ZRANB3: variants seen among roughly 807,000 people sequenced by gnomAD.
ZRANB3 encodes the protein DNA annealing helicase and endonuclease ZRANB3.
In ZRANB3, 125 loss-of-function variants were observed where a neutral mutation model predicts 133.8. The observed-to-expected ratio is 0.93, with a 90% CI of 0.81 to 1.08. The LOEUF (loss-of-function observed/expected upper bound fraction) is 1.08, where lower values mean the gene tolerates loss of function less well. Ranked by LOEUF, ZRANB3 falls within the 50% of genes least tolerant of loss-of-function variation. ZRANB3 has a pLI of 0.00. For synonymous variants in ZRANB3, 387 were observed against 432.7 expected, an observed-to-expected ratio of 0.89 and a Z score of 1.31; for missense variants, 1,229 against 1,275.5, an observed-to-expected ratio of 0.96 and a Z score of 0.56.
At chr2:135,525,455 A>T (rs1166414789) in intron 1 of ZRANB3, among the ~76,000 whole-genome samples, 1 of 152,232 alleles carries the variant, frequency 6.6e-6, no homozygotes, top group African/African-American at 2.4e-5. Context: ...TTCAAGGGAT[A>T]ATCAGGGAAG....
chr2:135,393,634 A>C (rs1316178359), intron 2 of ZRANB3, among the ~76,000 whole-genome samples: 1 of 152,186 alleles, frequency 6.6e-6, no homozygotes, highest in Non-Finnish European at 1.5e-5. Flanking sequence ...TGAAAAGGGA[A>C]ACCAAGTTTC....
intron 2 of ZRANB3, among the ~76,000 whole-genome samples, chr2:135,419,732 A>G (rs1374907594): frequency 6.6e-6 from 1 of 151,014 alleles, no homozygotes; most frequent in Non-Finnish European, 1.5e-5. Flanking sequence ...AAAAAAAATT[A>G]TACTGCTCCT....
At chr2:135,402,669 C>T (rs926302894) in intron 2 of ZRANB3, among the ~76,000 whole-genome samples, 2 of 151,938 alleles carry the variant, frequency 1.3e-5, no homozygotes, top group Admixed American at 6.6e-5. Context: ...TCACTGCAAC[C>T]TCCACCTCCT....
At chr2:135,207,190 A>T (rs1048664267) in intron 19 of ZRANB3, among the ~76,000 whole-genome samples, 68 of 149,338 alleles carry the variant, frequency 4.6e-4, no homozygotes, top group Admixed American at 5.3e-4. Context: ...AAATAAATAA[A>T]TAATAAATAA....
chr2:135,225,022 T>C (rs962684096), intron 14 of ZRANB3, among the ~76,000 whole-genome samples: 20 of 152,204 alleles, frequency 1.3e-4, no homozygotes, highest in African/African-American at 1.9e-4. Flanking sequence ...AATCTCTTCT[T>C]TTTTAGCCCT....
intron 12 of ZRANB3, among the ~76,000 whole-genome samples, chr2:135,255,319 A>C (rs1005555535): frequency 6.6e-6 from 1 of 152,162 alleles, no homozygotes; most frequent in African/African-American, 2.4e-5. Flanking sequence ...ATGGCAATCA[A>C]AAGGGGCCCA....
chr2:135,490,802 A>G (rs903471007), intron 2 of ZRANB3, among the ~76,000 whole-genome samples: 1 of 152,250 alleles, frequency 6.6e-6, no homozygotes, highest in African/African-American at 2.4e-5. Context: ...AATATTATTC[A>G]GCCATAAACA....
intron 1 of ZRANB3, among the ~76,000 whole-genome samples, chr2:135,513,538 T>C (rs1320808374): frequency 6.6e-6 from 1 of 152,122 alleles, no homozygotes; most frequent in Non-Finnish European, 1.5e-5. Context: ...CCCCACCTCA[T>C]GCTGCATATG....
At chr2:135,211,412 G>A (rs187283920) in intron 17 of ZRANB3, among the ~76,000 whole-genome samples, 1 of 152,192 alleles carries the variant, frequency 6.6e-6, no homozygotes, top group East Asian at 1.9e-4. Context: ...GTGGTGGTGC[G>A]CACCTGCAGT....
At chr2:135,275,469 A>C (rs1680762130) in intron 9 of ZRANB3, among the ~76,000 whole-genome samples, 167 bp downstream of exon 9, 1 of 152,190 alleles carries the variant, frequency 6.6e-6, no homozygotes. Context: ...ATAGTATATA[A>C]TCATCATCAT....
intron 3 of ZRANB3, among the ~76,000 whole-genome samples, chr2:135,385,580 T>G (rs1489103848): frequency 1.3e-5 from 2 of 152,294 alleles, no homozygotes; most frequent in South Asian, 4.1e-4. Flanking sequence ...CTACCTGGCT[T>G]CAAACTATAC....
At chr2:135,472,491 C>A (rs113956752) in intron 2 of ZRANB3, among the ~76,000 whole-genome samples, 1 of 133,494 alleles carries the variant, frequency 7.5e-6, no homozygotes, top group African/African-American at 2.7e-5. Context: ...CAGCGAGACT[C>A]GGTCTCAAAA....
At chr2:135,236,637 T>A (rs1020777776) in intron 12 of ZRANB3, among the ~76,000 whole-genome samples, 89 of 152,256 alleles carry the variant, frequency 5.8e-4, no homozygotes, top group Non-Finnish European at 7.8e-4. Flanking sequence ...TAATGCCGCA[T>A]ATCTACAACT....
chr2:135,449,912 C>T (rs1690189579), intron 2 of ZRANB3, among the ~76,000 whole-genome samples: 1 of 152,090 alleles, frequency 6.6e-6, no homozygotes, highest in South Asian at 2.1e-4. Flanking sequence ...CAAAGACAAC[C>T]ATATATGACT....
chr2:135,267,975 A>G (rs2105115446), intron 11 of ZRANB3, among the ~76,000 whole-genome samples: 1 of 152,232 alleles, frequency 6.6e-6, no homozygotes, highest in African/African-American at 2.4e-5. Context: ...CCACAATGAG[A>G]AAGCAGTAGT....
At chr2:135,341,537 G>A (rs1185536500) in intron 6 of ZRANB3, among the ~76,000 whole-genome samples, 1 of 149,856 alleles carries the variant, frequency 6.7e-6, no homozygotes, top group Non-Finnish European at 1.5e-5. Context: ...TGGGCACCTT[G>A]AAAAAAGAAC....
In ZRANB3 at chr2:135,502,066, C is replaced by T. The variant is rs149031418; in HGVS notation, c.161+2263G>A. Among the ~76,000 whole-genome samples, 298 of 152,156 alleles carry T rather than the reference C, an allele frequency of 2.0e-3. 1 individual carries two copies. Among genetic ancestry groups the T allele is most frequent in the African/African-American group, 7.0e-3 (291 of 41,494 alleles). Reference sequence around the variant, plus strand: ...ACCTATATTGCCAATGAAAATATTACTGAAGAATGAACTCAAGATAAAATA... The same window carrying T: ...ACCTATATTGCCAATGAAAATATTATTGAAGAATGAACTCAAGATAAAATA... On this transcript the variant is annotated intron_variant, in intron 2 of 20. Coordinates refer to ENST00000264159, the MANE Select transcript of ZRANB3 (RefSeq NM_032143.4).
chr2:135,355,960 G>T (rs1229197647), intron 3 of ZRANB3, among the ~76,000 whole-genome samples: 1 of 152,044 alleles, frequency 6.6e-6, no homozygotes, highest in Non-Finnish European at 1.5e-5. Flanking sequence ...GCTTCTTGCT[G>T]CTAAATTTAC....
At chr2:135,247,454 C>A (rs1695847646) in intron 12 of ZRANB3, among the ~76,000 whole-genome samples, 1 of 151,704 alleles carries the variant, frequency 6.6e-6, no homozygotes, top group Non-Finnish European at 1.5e-5. Flanking sequence ...TGTTTCTCTG[C>A]AGATAGAGAG....
Sources: allele counts gnomAD v4.1 joint callset (sites outside exome capture counted in the v4.1 genomes callset), GRCh38; gene constraint gnomAD v4.1.1; transcripts MANE v1.5; gene names NCBI Gene and HGNC (gene_info 2026-07-23, HGNC 2026-07-21).